The following AP5Z1 variants were observed in gnomAD, a reference collection of about 807,000 sequenced individuals.
The protein encoded by AP5Z1 is AP-5 complex subunit zeta-1.
A neutral mutation model predicts 83.0 loss-of-function variants in AP5Z1; 106 were observed. The ratio of observed to expected loss-of-function variants is 1.28; its 90% CI spans 1.09 to 1.50. The LOEUF (loss-of-function observed/expected upper bound fraction) is 1.50, where lower values mean the gene tolerates loss of function less well. Among genes scored for constraint, AP5Z1 ranks in the 40% most tolerant of loss-of-function variants. The pLI is 0.00. For synonymous variants in AP5Z1, 751 were observed against 514.1 expected, an observed-to-expected ratio of 1.46 and a Z score of -6.23; for missense variants, 1,565 against 1,094.2, an observed-to-expected ratio of 1.43 and a Z score of -6.07.
chr7:4,782,989 C>T lies in AP5Z1; in HGVS notation c.367-327C>T, dbSNP rs188689845. ...AGGTGGGTGGTTTAAAGACTGGGAT[C>T]CACACTGGAGGCCCCGCAGGACGGG... On this transcript the variant is annotated intron_variant, in intron 3 of 16. Transcript: ENST00000649063. Among the ~76,000 whole-genome samples, 48 of 152,338 alleles carry T rather than the reference C, an allele frequency of 3.2e-4. 1 individual carries two copies. Among genetic ancestry groups the T allele is most frequent in the African/African-American group, 9.6e-4 (40 of 41,582 alleles).
In AP5Z1 at chr7:4,783,783, G is replaced by A. The variant is rs928947081; in HGVS notation, c.606G>A (p.Thr202=). Residue 202 remains threonine, a synonymous_variant, in exon 5 of 17, where the codon ACG becomes ACA. Coordinates refer to ENST00000649063, the MANE Select transcript of AP5Z1 (RefSeq NM_014855.3). ...GLPHSGGFFS[T]PRARQPGPVT... ...CACACTCCGGCGGCTTCTTCTCCAC[G>A]CCCAGGGCCCGGCAGGTGAGGCTGG... is the stretch of plus-strand genomic sequence containing the variant. The A allele has an allele frequency of 1.4e-5, 21 of 1,548,930 alleles. No individual in the cohort carries two copies. Among genetic ancestry groups the A allele is most frequent in the Middle Eastern group, 1.7e-4 (1 of 6,010 alleles).
At chr7:4,776,889 C>G (rs976269453) in intron 1 of AP5Z1, among the ~76,000 whole-genome samples, 2 of 152,156 alleles carry the variant, frequency 1.3e-5, no homozygotes, top group Admixed American at 6.5e-5. Flanking sequence ...CCACTGGACT[C>G]CAGTCTGGGT....
At chr7:4,782,127 A>C in intron 3 of AP5Z1, among the ~76,000 whole-genome samples, 1 of 152,164 alleles carries the variant, frequency 6.6e-6, no homozygotes. Flanking sequence ...ATCAATGCTC[A>C]CTGCAGCCTC....
rs909805784 is a variant in AP5Z1 at position 4,787,641 on chromosome 7, C to T, written c.1319C>T (p.Ala440Val). The stretch of plus-strand genomic sequence containing the variant: ...GCTGTGCTGTGCCCACAGTTCCTGG[C>T]CTGGAACAGCCCACCCCTCACCTCC... ...LSFPNLFKFL[A>V]WNSPPLTSEF... The change falls in exon 11 of 17, where the codon GCC becomes GTC. Residue 440 changes from alanine (A) to valine (V), a missense_variant. Ala to Val is a moderately conservative substitution (Grantham distance 64). Transcript: ENST00000649063. The T allele has an allele frequency of 4.8e-5, 75 of 1,552,016 alleles. No individual in the cohort carries two copies. The highest frequency in any genetic ancestry group is 6.4e-5 in the Non-Finnish European group (73 of 1,148,446).
At chr7:4,786,536 C>T (rs1315152121) in intron 10 of AP5Z1, 108 bp downstream of exon 10, 14 of 1,293,122 alleles carry the variant, frequency 1.1e-5, no homozygotes, top group East Asian at 7.0e-5. Flanking sequence ...GCATAGAGCC[C>T]TGTGAGTCCC....
intron 13 of AP5Z1, 124 bp downstream of exon 13, chr7:4,789,075 C>A: frequency 1.2e-6 from 1 of 838,248 alleles, no homozygotes; most frequent in South Asian, 1.7e-5. Context: ...CCACCATCCA[C>A]GGTCCCTGTG....
chr7:4,785,021 C>T lies in AP5Z1; in HGVS notation c.904C>T (p.Gln302Ter). 6.2e-7 allele frequency: 1 copy of T among 1,608,392 alleles called. No individual in the cohort carries two copies. Among genetic ancestry groups the T allele is most frequent in the South Asian group, 1.1e-5 (1 of 90,794 alleles). The change falls in exon 7 of 17, where the codon CAG becomes TAG. Residue 302 changes from glutamine to a stop codon, truncating the protein, a stop_gained. Transcript: ENST00000649063. LOFTEE classifies it high-confidence loss of function. ...TCGGGAGGTGGCCTTCGAGTACTGCCAGCGCCTCATTGAGCAAAGTAACCG... is the reference window on the plus strand; with the variant it reads ...TCGGGAGGTGGCCTTCGAGTACTGCTAGCGCCTCATTGAGCAAAGTAACCG... Reference protein sequence around the residue: ...RLREVAFEYCQRLIEQSNRRA... With the variant: ...RLREVAFEYC
chr7:4,785,759 C>T (rs1478110231), intron 9 of AP5Z1, 75 bp downstream of exon 9: 10 of 1,318,772 alleles, frequency 7.6e-6, no homozygotes, highest in African/African-American at 5.0e-5. Context: ...TTTCTTCTTC[C>T]CTTTTTTTTT....
Position 4,788,867 on chromosome 7 carries a change from GC to G in AP5Z1, c.1626del (p.Met543TrpfsTer25). On this transcript the variant is annotated frameshift_variant, in exon 13 of 17. Transcript: ENST00000649063. LOFTEE classifies it high-confidence loss of function. The stretch of plus-strand genomic sequence containing the variant: ...TGGCGCCACTCCACCAGCTGCTGCA[GC>G]CCATGGCCGGCTGTGCCCGCGTGGC... ...RLAPLHQLLQPMAGCARVAQC... is the reference protein window; with the variant it reads ...RLAPLHQLLQXMAGCARVAQC... The G allele has an allele frequency of 6.2e-7, 1 of 1,609,478 alleles. No homozygotes were observed. The highest frequency in any genetic ancestry group is 1.3e-5 in the African/African-American group (1 of 74,982).
chr7:4,780,040 C>G (rs185392839), intron 1 of AP5Z1, among the ~76,000 whole-genome samples: 1 of 152,258 alleles, frequency 6.6e-6, no homozygotes, highest in East Asian at 1.9e-4. Context: ...CTCAGCGTCC[C>G]AAAGTGCTGG....
chr7:4,785,288 C>T lies in AP5Z1; in HGVS notation c.932-127C>T, dbSNP rs1781505125. On this transcript the variant is annotated intron_variant, in intron 7 of 16. Transcript: ENST00000649063. ...CCCCTCGCCTCAGTCCCACTCAAGTCCTCCTGGGGGCCTGTCCCACCCCCC... is the reference window on the plus strand; with the variant it reads ...CCCCTCGCCTCAGTCCCACTCAAGTTCTCCTGGGGGCCTGTCCCACCCCCC... 5.1e-6 allele frequency: 7 copies of T among 1,367,346 alleles called. No individual in the cohort carries two copies. The South Asian group carries it at 7.3e-5, about 14-fold the overall frequency. 84.7% of individuals were successfully genotyped at this position (1,367,346 alleles called of 1,614,324 possible).
rs766343074 is a variant in AP5Z1, at chr7:4,785,525, C to T, written c.973C>T (p.Leu325=). 6.2e-7 allele frequency: 1 copy of T among 1,613,284 alleles called. No individual in the cohort carries two copies. Among genetic ancestry groups the T allele is most frequent in the Admixed American group, 1.7e-5 (1 of 59,978 alleles). Residue 325 remains leucine (L), a synonymous_variant, in exon 9 of 17, where the codon CTG becomes TTG. Transcript: ENST00000649063. ...TGATGTGGTCCATGTCCCGCAGTGCCTGGTGGAGGCCGTGCTGGTGCTGGA... is the reference window on the plus strand; with the variant it reads ...TGATGTGGTCCATGTCCCGCAGTGCTTGGTGGAGGCCGTGCTGGTGCTGGA... ...KGDSDLQKAC[L]VEAVLVLDVL...
In AP5Z1 at chr7:4,785,525, C is replaced by G. The variant is rs766343074; in HGVS notation, c.973C>G (p.Leu325Val). The G allele has an allele frequency of 3.1e-6, 5 of 1,613,168 alleles. No homozygotes were observed. The highest frequency in any genetic ancestry group is 4.2e-6 in the Non-Finnish European group (5 of 1,179,726). ...KGDSDLQKAC[L>V]VEAVLVLDVL... ...TGATGTGGTCCATGTCCCGCAGTGCCTGGTGGAGGCCGTGCTGGTGCTGGA... is the reference window on the plus strand; with the variant it reads ...TGATGTGGTCCATGTCCCGCAGTGCGTGGTGGAGGCCGTGCTGGTGCTGGA... Residue 325 changes from leucine (L) to valine (V), a missense_variant, in exon 9 of 17, where the codon CTG (leucine) becomes GTG (valine). Coordinates refer to ENST00000649063, the MANE Select transcript of AP5Z1 (RefSeq NM_014855.3).
chr7:4,775,625 C>G lies in AP5Z1; in HGVS notation c.-91C>G, dbSNP rs1049142841. ...ACGTAAGGCCGCTGCGCTCACGTGA[C>G]GCGGTCCCGGAAGTTGACCGGGGTG... On this transcript the variant is annotated 5_prime_UTR_variant, in exon 1 of 17. Coordinates refer to ENST00000649063, the MANE Select transcript of AP5Z1 (RefSeq NM_014855.3). 11 of 1,562,484 alleles carry G rather than the reference C, an allele frequency of 7.0e-6. No individual in the cohort carries two copies. Among genetic ancestry groups the G allele is most frequent in the Non-Finnish European group, 8.7e-6 (10 of 1,153,292 alleles).
Position 4,780,082 on chromosome 7 carries a change from CG to C in AP5Z1, c.42-1092del, listed in dbSNP as rs530267904. Among the ~76,000 whole-genome samples, 14 of 152,224 alleles carry C rather than the reference CG, an allele frequency of 9.2e-5. No individual in the cohort carries two copies. The South Asian group carries it at 2.9e-3, about 32-fold the overall frequency. ...AGGTGGCCTGGGGAGGGCACAGCCA[CG>C]TAGGGGGCCCTTCTCAGGGAGTCCC... is the stretch of plus-strand genomic sequence containing the variant. On this transcript the variant is annotated intron_variant, in intron 1 of 16. Transcript: ENST00000649063.
rs559365668 is a variant in AP5Z1 at position 4,787,087 on chromosome 7, T to TTGAAG, written c.1312-544_1312-540dup. On this transcript the variant is annotated intron_variant, in intron 10 of 16. Coordinates refer to ENST00000649063, the MANE Select transcript of AP5Z1 (RefSeq NM_014855.3). ...GCACCCGGCCTGGTGCCATTTGCTT[T>TTGAAG]TGAAGTGTCTTTTGCAGCCTCGCCT... is the stretch of plus-strand genomic sequence containing the variant. Among the ~76,000 whole-genome samples, 47 of 152,196 alleles carry TTGAAG rather than the reference T, an allele frequency of 3.1e-4. 2 individuals carry two copies. The South Asian group carries it at 9.1e-3, about 30-fold the overall frequency.
intron 1 of AP5Z1, among the ~76,000 whole-genome samples, chr7:4,777,093 A>G (rs1767541193): frequency 6.6e-6 from 1 of 152,216 alleles, no homozygotes; most frequent in Admixed American, 6.5e-5. Context: ...ACTCATTAGG[A>G]AGAGGCTTGG....
Position 4,789,713 on chromosome 7 carries a change from A to C in AP5Z1, c.1708-119A>C, listed in dbSNP as rs1781685881. 16 of 665,626 alleles carry C rather than the reference A, an allele frequency of 2.4e-5. No homozygotes were observed. In the East Asian group the frequency reaches 3.8e-4, roughly 16 times the overall value. 41.2% of individuals were successfully genotyped at this position (665,626 alleles called of 1,614,324 possible). ...TGTGTCCCTGGGTGTTGGGGAAGGC[A>C]GTGGACGAGGAGTCTCCAGCCCCTC... On this transcript the variant is annotated intron_variant, in intron 13 of 16. Coordinates refer to ENST00000649063, the MANE Select transcript of AP5Z1 (RefSeq NM_014855.3).
Position 4,791,093 on chromosome 7 carries a change from CGGA to C in AP5Z1, c.2154-19_2154-17del. ...CTGGGAGGGGAGCATCTGCAGCTGA[CGGA>C]GGGACCTTCTTTCCCCAGGGCCTCT... On this transcript the variant is annotated intron_variant, in intron 16 of 16. Transcript: ENST00000649063. The C allele has an allele frequency of 6.4e-7, 1 of 1,552,546 alleles. No homozygotes were observed.
Sources: gnomAD v4.1 joint callset for allele counts (sites outside exome capture counted in the v4.1 genomes callset) on GRCh38, gnomAD v4.1.1 for gene constraint, MANE v1.5 for transcripts, NCBI Gene and HGNC (gene_info 2026-07-23, HGNC 2026-07-21) for gene names.